Variants in EPHA6 observed in about 807,000 individuals in gnomAD.
EPHA6 encodes the protein ephrin type-A receptor 6.
A neutral mutation model predicts 112.0 loss-of-function variants in EPHA6; 50 were observed. The observed-to-expected ratio is 0.45, with a 90% CI of 0.36 to 0.56. EPHA6 has a LOEUF of 0.56. EPHA6 is among the 20% of genes least tolerant of loss of function. The probability of loss-of-function intolerance (pLI) is 0.00; values close to 1 mark genes in which losing one functional copy is unlikely to be tolerated. For missense variants in EPHA6, 1,280 were observed against 1,417.4 expected (o/e 0.90, Z 1.56); for synonymous variants, 529 against 490.7 (o/e 1.08, Z -1.03).
intron 2 of EPHA6, among the ~76,000 whole-genome samples, chr3:96,867,718 A>G (rs1037159587): frequency 2.0e-5 from 3 of 151,742 alleles, no homozygotes; most frequent in African/African-American, 2.4e-5. Flanking sequence ...ACATTTTCAC[A>G]TTGCTTCTTC....
At chr3:97,251,268 C>T (rs28649075) in intron 5 of EPHA6, among the ~76,000 whole-genome samples, 2 of 152,034 alleles carry the variant, frequency 1.3e-5, no homozygotes, top group East Asian at 1.9e-4. Context: ...CAGTGGCTCA[C>T]GCCTGTAATC....
chr3:96,998,004 T>C lies in EPHA6; in HGVS notation c.1114+10011T>C, dbSNP rs191965320. Among the ~76,000 whole-genome samples the C allele has an allele frequency of 3.9e-3, 587 of 152,148 alleles. 6 individuals carry two copies. Among genetic ancestry groups the C allele is most frequent in the Non-Finnish European group, 5.6e-3 (380 of 67,930 alleles). ...GTTAAAGGGCAAACCTACTTGAAAT[T>C]ATAATTTTAGCAAATTATTTTACAC... On this transcript the variant is annotated intron_variant, in intron 3 of 17. Transcript: ENST00000389672.
chr3:97,539,030 T>TCTTTCTTTCTTGCTTTCTTG (rs1553805977), intron 11 of EPHA6, among the ~76,000 whole-genome samples: 4 of 145,630 alleles, frequency 2.7e-5, no homozygotes, highest in African/African-American at 1.1e-4. Context: ...TTTCTTTCTT[T>TCTTTCTTTCTTGCTTTCTTG]CTTTCTTGCT....
At chr3:97,176,635 T>C (rs2108440791) in intron 3 of EPHA6, among the ~76,000 whole-genome samples, 1 of 152,100 alleles carries the variant, frequency 6.6e-6, no homozygotes, top group Middle Eastern at 3.4e-3. Flanking sequence ...GTTGCGTGTA[T>C]CTAGGAATTT....
At chr3:97,464,805 A>G (rs1003791679) in intron 7 of EPHA6, among the ~76,000 whole-genome samples, 7 of 152,168 alleles carry the variant, frequency 4.6e-5, no homozygotes, top group Non-Finnish European at 8.8e-5. Flanking sequence ...AAAAATATGC[A>G]TGTACAAAAT....
Position 97,244,253 on chromosome 3 carries a change from A to G in EPHA6, c.1572A>G (p.Pro524=), listed in dbSNP as rs1252685962. ...CTGAGTTGAGTTTTTCTCCCAAGCC[A>G]TTCACAGCTATTACAGTGACCACGG... is the stretch of plus-strand genomic sequence containing the variant. The part of the protein sequence containing the change: ...GVSELSFSPK[P]FTAITVTTDQ... The change falls in exon 5 of 18, where the codon CCA becomes CCG. Residue 524 remains proline (P), a synonymous_variant. Coordinates refer to ENST00000389672, the MANE Select transcript of EPHA6 (RefSeq NM_001080448.3). The G allele has an allele frequency of 1.9e-6, 3 of 1,613,262 alleles. No individual in the cohort carries two copies. The Admixed American group carries it at 5.0e-5, about 27-fold the overall frequency.
At chr3:97,241,841 T>G (rs1333689534) in intron 4 of EPHA6, among the ~76,000 whole-genome samples, 1 of 150,916 alleles carries the variant, frequency 6.6e-6, no homozygotes. Context: ...TTGATAATAT[T>G]CTTCCTAGAA....
intron 3 of EPHA6, among the ~76,000 whole-genome samples, chr3:97,001,359 C>T (rs1014456966): frequency 1.3e-5 from 2 of 151,688 alleles, no homozygotes; most frequent in African/African-American, 4.8e-5. Context: ...GACATAAACT[C>T]GGATATAACT....
At chr3:97,104,911 T>G (rs1200734081) in intron 3 of EPHA6, among the ~76,000 whole-genome samples, 1 of 152,050 alleles carries the variant, frequency 6.6e-6, no homozygotes, top group Non-Finnish European at 1.5e-5. Context: ...CTCATCTAGG[T>G]TTTCCTGTTT....
intron 3 of EPHA6, among the ~76,000 whole-genome samples, chr3:96,988,927 C>G (rs1375447596): frequency 6.6e-6 from 1 of 151,836 alleles, no homozygotes; most frequent in African/African-American, 2.4e-5. Flanking sequence ...TATATACATT[C>G]AAAAATTTTA....
In EPHA6 at chr3:96,891,147, G is replaced by T. The variant is rs569388952; in HGVS notation, c.450+24258G>T. Among the ~76,000 whole-genome samples, 8 of 152,246 alleles carry T rather than the reference G, an allele frequency of 5.3e-5. No individual in the cohort carries two copies. The East Asian group carries it at 1.5e-3, about 29-fold the overall frequency. ...TATTCTACCTCTAGATATATGCACA[G>T]TAGAAATGTGTATACATCTTTACAA... On this transcript the variant is annotated intron_variant, in intron 2 of 17. Transcript: ENST00000389672.
chr3:97,580,239 T>C (rs1193866794), intron 11 of EPHA6, among the ~76,000 whole-genome samples: 2 of 152,206 alleles, frequency 1.3e-5, no homozygotes, highest in African/African-American at 4.8e-5. Flanking sequence ...AAGCTGCTGT[T>C]TCTCTCACAC....
intron 5 of EPHA6, among the ~76,000 whole-genome samples, chr3:97,344,329 A>T (rs2083440939): frequency 6.6e-6 from 1 of 152,122 alleles, no homozygotes; most frequent in African/African-American, 2.4e-5. Flanking sequence ...AAGAATAAAT[A>T]ATAATAATAG....
intron 7 of EPHA6, among the ~76,000 whole-genome samples, chr3:97,466,050 G>C (rs1424653968): frequency 6.6e-6 from 1 of 151,726 alleles, no homozygotes; most frequent in East Asian, 1.9e-4. Flanking sequence ...GGACAGACAG[G>C]ACTGATTTCC....
Position 97,471,549 on chromosome 3 carries a change from G to T in EPHA6, c.1895-3803G>T, listed in dbSNP as rs190507536. Among the ~76,000 whole-genome samples the T allele has an allele frequency of 2.0e-5, 3 of 151,790 alleles. No individual in the cohort carries two copies. The East Asian group carries it at 5.8e-4, about 29-fold the overall frequency. ...TTTGGTCCACTCAACTTGGTAAAATGTAGCAGTCTGAATTCCCTAGTAGCT... is the reference window on the plus strand; with the variant it reads ...TTTGGTCCACTCAACTTGGTAAAATTTAGCAGTCTGAATTCCCTAGTAGCT... On this transcript the variant is annotated intron_variant, in intron 7 of 17. Coordinates refer to ENST00000389672, the MANE Select transcript of EPHA6 (RefSeq NM_001080448.3).
chr3:96,917,016 A>AC (rs1326833087), intron 2 of EPHA6, among the ~76,000 whole-genome samples: 15 of 152,228 alleles, frequency 9.9e-5, no homozygotes, highest in African/African-American at 3.6e-4. Context: ...GCAGCTAAAG[A>AC]ATTTGCTTTC....
chr3:97,212,156 G>C (rs1466782331), intron 3 of EPHA6, among the ~76,000 whole-genome samples: 2 of 152,018 alleles, frequency 1.3e-5, no homozygotes, highest in Non-Finnish European at 2.9e-5. Context: ...AGTGAAACAA[G>C]AATAAGAATC....
At chr3:97,542,379 A>G (rs2092872602) in intron 11 of EPHA6, among the ~76,000 whole-genome samples, 1 of 152,140 alleles carries the variant, frequency 6.6e-6, no homozygotes, top group Admixed American at 6.5e-5. Flanking sequence ...TTTGCTGAGA[A>G]TGATGGTTTC....
intron 3 of EPHA6, among the ~76,000 whole-genome samples, chr3:97,137,607 A>T (rs1251646017): frequency 1.3e-5 from 2 of 152,206 alleles, no homozygotes; most frequent in Admixed American, 1.3e-4. Flanking sequence ...TAATTTATTG[A>T]TGCCTTTAAT....
Sources: gnomAD v4.1 joint callset for allele counts (sites outside exome capture counted in the v4.1 genomes callset) on GRCh38, gnomAD v4.1.1 for gene constraint, MANE v1.5 for transcripts, NCBI Gene and HGNC (gene_info 2026-07-23, HGNC 2026-07-21) for gene names.